TRPC6: variants seen among roughly 807,000 people sequenced by gnomAD.
The protein encoded by TRPC6 is short transient receptor potential channel 6.
A neutral mutation model predicts 90.7 loss-of-function variants in TRPC6; 55 were observed. The ratio of observed to expected loss-of-function variants is 0.61; its 90% CI spans 0.49 to 0.76. The LOEUF is 0.76. Ranked by LOEUF, TRPC6 falls within the 30% of genes least tolerant of loss-of-function variation. The pLI is 0.00. For synonymous variants in TRPC6, 393 were observed against 393.0 expected (o/e 1.00, Z 0.00); for missense variants, 989 against 1,122.7 (o/e 0.88, Z 1.70).
intron 11 of TRPC6, 95 bp from the exon 12 acceptor site, chr11:101,453,820 A>G (rs1305161364): frequency 8.4e-7 from 1 of 1,184,672 alleles, no homozygotes; most frequent in Non-Finnish European, 1.2e-6. Flanking sequence ...CCCTGTAGTG[A>G]GCCCTTTGGA....
chr11:101,498,283 A>G (rs1224494647), intron 2 of TRPC6, among the ~76,000 whole-genome samples: 1 of 152,200 alleles, frequency 6.6e-6, no homozygotes, highest in Non-Finnish European at 1.5e-5. Flanking sequence ...CCAAAGCCTA[A>G]AACTATTTAT....
At chr11:101,491,837 T>C (rs890475703) in intron 2 of TRPC6, 99 bp from the exon 3 acceptor site, 1 of 84,342 alleles carries the variant, frequency 1.2e-5, no homozygotes, top group Non-Finnish European at 1.6e-5. Flanking sequence ...AGAAACATTC[T>C]TTTTTTTTTT....
At chr11:101,483,869 G>A (rs1859610285) in intron 4 of TRPC6, among the ~76,000 whole-genome samples, 1 of 151,974 alleles carries the variant, frequency 6.6e-6, no homozygotes, top group African/African-American at 2.4e-5. Flanking sequence ...TGAAATACGG[G>A]GGACAAAAAA....
intron 1 of TRPC6, among the ~76,000 whole-genome samples, chr11:101,528,161 C>A (rs1422199387): frequency 6.6e-6 from 1 of 151,946 alleles, no homozygotes; most frequent in African/African-American, 2.4e-5. Flanking sequence ...ATAAATAAAT[C>A]TATGTTAAAT....
At chr11:101,532,945 G>C (rs1004133941) in intron 1 of TRPC6, among the ~76,000 whole-genome samples, 44 of 152,148 alleles carry the variant, frequency 2.9e-4, no homozygotes, top group African/African-American at 1.0e-3. Context: ...GCCACTCTGA[G>C]CTCCTGAGAA....
intron 1 of TRPC6, among the ~76,000 whole-genome samples, chr11:101,516,365 A>G (rs1004498767): frequency 2.6e-5 from 4 of 152,138 alleles, no homozygotes; most frequent in African/African-American, 9.7e-5. Flanking sequence ...ATTAATAACA[A>G]AATTAACACC....
At chr11:101,477,929 C>A (rs1248291785) in intron 5 of TRPC6, among the ~76,000 whole-genome samples, 1 of 152,188 alleles carries the variant, frequency 6.6e-6, no homozygotes, top group East Asian at 1.9e-4. Flanking sequence ...TATTAAGATA[C>A]TCTACTCTGA....
chr11:101,504,811 AG>A lies in TRPC6; in HGVS notation c.171-14del. On this transcript the variant is annotated splice_polypyrimidine_tract_variant and intron_variant, in intron 1 of 12. Transcript: ENST00000344327. ...GTCAGATCCCCGGCTGCAATAAAAC[AG>A]AAAGATTGTAAACAAATCACATTAA... 6.2e-7 allele frequency: 1 copy of A among 1,611,456 alleles called. No homozygotes were observed. The highest frequency in any genetic ancestry group is 1.3e-5 in the African/African-American group (1 of 74,892).
intron 2 of TRPC6, among the ~76,000 whole-genome samples, chr11:101,499,404 A>C (rs921880148): frequency 6.6e-5 from 10 of 151,870 alleles, no homozygotes; most frequent in Admixed American, 1.3e-4. Context: ...TTAATCTAGT[A>C]AGATAGTTAT....
intron 1 of TRPC6, among the ~76,000 whole-genome samples, chr11:101,526,139 T>G (rs1416291876): frequency 1.3e-5 from 2 of 152,208 alleles, no homozygotes; most frequent in African/African-American, 4.8e-5. Context: ...TGTACATTAA[T>G]GAAAGGGTAT....
In TRPC6 at chr11:101,523,820, G is replaced by A. The variant is rs376101988; in HGVS notation, c.171-19022C>T. On this transcript the variant is annotated intron_variant, in intron 1 of 12. Transcript: ENST00000344327. ...GCATGTACATACAAGTAGGAAACAA[G>A]GTTGTTTTAAAATTTTTCTATTATT... is the stretch of plus-strand genomic sequence containing the variant. 6.6e-5 allele frequency among the ~76,000 whole-genome samples: 10 copies of A among 152,276 alleles called. No homozygotes were observed. The South Asian group carries it at 1.9e-3, about 28-fold the overall frequency.
chr11:101,520,564 G>A (rs930240021), intron 1 of TRPC6, among the ~76,000 whole-genome samples: 3 of 152,180 alleles, frequency 2.0e-5, no homozygotes, highest in African/African-American at 7.2e-5. Flanking sequence ...GATAAGGAAA[G>A]GTTTAGAGCT....
intron 4 of TRPC6, among the ~76,000 whole-genome samples, 164 bp downstream of exon 4, chr11:101,488,773 A>C (rs996868615): frequency 5.9e-5 from 9 of 152,244 alleles, no homozygotes; most frequent in Admixed American, 5.2e-4. Flanking sequence ...AAAGCAATAC[A>C]AATTATTTAA....
intron 6 of TRPC6, 152 bp from the exon 7 acceptor site, chr11:101,473,925 A>G (rs1859354383): frequency 9.7e-7 from 1 of 1,034,274 alleles, no homozygotes; most frequent in African/African-American, 1.6e-5. Context: ...TGTCTGCTAG[A>G]GTTGAGCTTC....
chr11:101,456,337 T>C (rs1339486538), intron 10 of TRPC6, among the ~76,000 whole-genome samples: 1 of 152,210 alleles, frequency 6.6e-6, no homozygotes, highest in Non-Finnish European at 1.5e-5. Context: ...TATGAATTTG[T>C]GAAATGCATA....
At chr11:101,523,320 T>G (rs915345549) in intron 1 of TRPC6, among the ~76,000 whole-genome samples, 4 of 151,798 alleles carry the variant, frequency 2.6e-5, no homozygotes, top group African/African-American at 9.7e-5. Flanking sequence ...TTTAACAGAG[T>G]TTTTTCTTTT....
chr11:101,498,003 G>A (rs751988352), intron 2 of TRPC6, among the ~76,000 whole-genome samples: 3 of 152,106 alleles, frequency 2.0e-5, no homozygotes, highest in Non-Finnish European at 4.4e-5. Context: ...ATAAGTCCTG[G>A]GCACATATTG....
intron 1 of TRPC6, among the ~76,000 whole-genome samples, chr11:101,560,426 C>G (rs2136864893): frequency 6.6e-6 from 1 of 152,256 alleles, no homozygotes; most frequent in South Asian, 2.1e-4. Flanking sequence ...CCCAACCCTC[C>G]TTTACATCAG....
chr11:101,501,806 A>C (rs929010139), intron 2 of TRPC6, among the ~76,000 whole-genome samples: 1 of 152,204 alleles, frequency 6.6e-6, no homozygotes, highest in African/African-American at 2.4e-5. Flanking sequence ...TTAGGTTTCT[A>C]ATTATAAAAA....
Sources: allele counts gnomAD v4.1 joint callset (sites outside exome capture counted in the v4.1 genomes callset), GRCh38; gene constraint gnomAD v4.1.1; transcripts MANE v1.5; gene names NCBI Gene and HGNC (gene_info 2026-07-23, HGNC 2026-07-21).